SCFD2: variants seen among roughly 807,000 people sequenced by gnomAD.
SCFD2 encodes the protein sec1 family domain-containing protein 2.
Under a neutral mutation model 58.9 loss-of-function variants are expected in SCFD2, and 54 were observed. That is an observed-to-expected ratio of 0.92 (90% CI 0.74 to 1.15). The LOEUF (loss-of-function observed/expected upper bound fraction) is 1.15. SCFD2 is among the 50% of genes most tolerant of loss of function. The pLI is 0.00. For missense variants in SCFD2, 805 were observed against 836.6 expected (o/e 0.96, Z 0.47); for synonymous variants, 321 against 335.9 (o/e 0.96, Z 0.49).
At chr4:53,168,556 A>G (rs1292690074) in intron 4 of SCFD2, among the ~76,000 whole-genome samples, 1 of 152,202 alleles carries the variant, frequency 6.6e-6, no homozygotes, top group Non-Finnish European at 1.5e-5. Flanking sequence ...TAAAAGATGA[A>G]AGCAAAATAA....
In SCFD2 at chr4:52,874,026, A is replaced by T; in HGVS notation, c.1998T>A (p.Leu666=). The T allele has an allele frequency of 6.2e-7, 1 of 1,614,154 alleles. No homozygotes were observed. Among genetic ancestry groups the T allele is most frequent in the Non-Finnish European group, 8.5e-7 (1 of 1,179,968 alleles). ...IVLSTRLLKP[L]NIPELLFATD... is the part of the protein sequence containing the mutation. ...TTGCAAATAACAGCTCAGGAATGTT[A>T]AGTGGCTTCAGGAGTCGTGTGGACA... The change falls in exon 9 of 9, where the codon CTT becomes CTA. Residue 666 remains leucine (L), a synonymous_variant. Coordinates refer to ENST00000401642, the MANE Select transcript of SCFD2 (RefSeq NM_152540.4).
chr4:52,893,394 G>T (rs147475857), intron 7 of SCFD2, among the ~76,000 whole-genome samples: 1 of 152,276 alleles, frequency 6.6e-6, no homozygotes, highest in East Asian at 1.9e-4. Context: ...GAACAATGTG[G>T]AATGGGACTA....
At chr4:53,208,937 G>A (rs1728519140) in intron 4 of SCFD2, among the ~76,000 whole-genome samples, 1 of 152,118 alleles carries the variant, frequency 6.6e-6, no homozygotes, top group Admixed American at 6.5e-5. Flanking sequence ...CCACAGGAAT[G>A]TACCCAATAT....
intron 5 of SCFD2, among the ~76,000 whole-genome samples, chr4:53,135,750 A>G (rs1183475447): frequency 6.6e-6 from 1 of 152,104 alleles, no homozygotes; most frequent in Non-Finnish European, 1.5e-5. Context: ...CAAAAAAAAA[A>G]AGAGGATCTC....
chr4:52,902,345 T>C (rs918212446), intron 7 of SCFD2, among the ~76,000 whole-genome samples: 2 of 152,212 alleles, frequency 1.3e-5, no homozygotes, highest in Non-Finnish European at 2.9e-5. Context: ...AACACGTCAC[T>C]GCCTTATAAA....
At chr4:52,926,339 C>T (rs568805353) in intron 5 of SCFD2, among the ~76,000 whole-genome samples, 4 of 151,966 alleles carry the variant, frequency 2.6e-5, no homozygotes, top group Non-Finnish European at 5.9e-5. Context: ...AGTCTGGATT[C>T]GAGCTGAAGT....
intron 5 of SCFD2, among the ~76,000 whole-genome samples, chr4:53,119,479 A>C (rs1725420086): frequency 6.6e-6 from 1 of 152,132 alleles, no homozygotes; most frequent in Non-Finnish European, 1.5e-5. Flanking sequence ...AGACTGTTTC[A>C]AAAAATAAAT....
At chr4:52,973,439 G>C (rs1421547967) in intron 5 of SCFD2, among the ~76,000 whole-genome samples, 1 of 152,088 alleles carries the variant, frequency 6.6e-6, no homozygotes. Context: ...TAAATTCCTC[G>C]ACACATACAC....
intron 4 of SCFD2, among the ~76,000 whole-genome samples, chr4:53,209,723 C>T (rs1728545977): frequency 2.0e-5 from 3 of 151,664 alleles, no homozygotes; most frequent in Non-Finnish European, 4.4e-5. Context: ...AGTGTTCTTA[C>T]AGTCCTTAGA....
chr4:53,121,363 T>G (rs551043153), intron 5 of SCFD2, among the ~76,000 whole-genome samples: 1 of 152,282 alleles, frequency 6.6e-6, no homozygotes, highest in Non-Finnish European at 1.5e-5. Context: ...TTCCTTGCAT[T>G]TTTCAAAAAG....
intron 2 of SCFD2, among the ~76,000 whole-genome samples, chr4:53,330,054 A>T (rs1306849644): frequency 6.6e-6 from 1 of 151,634 alleles, no homozygotes; most frequent in African/African-American, 2.4e-5. Context: ...AAAAAAGAAT[A>T]AAAAGAAACA....
chr4:53,110,578 T>A (rs1725140299), intron 5 of SCFD2, among the ~76,000 whole-genome samples: 1 of 148,312 alleles, frequency 6.7e-6, no homozygotes, highest in Non-Finnish European at 1.5e-5. Context: ...AAAAAGTGGG[T>A]TCATCTCAAG....
At chr4:53,197,764 A>AG (rs1436419902) in intron 4 of SCFD2, among the ~76,000 whole-genome samples, 5 of 151,494 alleles carry the variant, frequency 3.3e-5, no homozygotes, top group Non-Finnish European at 4.4e-5. Flanking sequence ...AAAAAAAAAA[A>AG]AAAGAAATGA....
intron 5 of SCFD2, among the ~76,000 whole-genome samples, chr4:53,063,337 A>C (rs1254635846): frequency 2.6e-5 from 4 of 152,172 alleles, no homozygotes; most frequent in African/African-American, 9.6e-5. Context: ...ATTATTCTGT[A>C]TACAACTTAT....
At chr4:53,023,262 A>C (rs1383729068) in intron 5 of SCFD2, among the ~76,000 whole-genome samples, 1 of 152,214 alleles carries the variant, frequency 6.6e-6, no homozygotes, top group African/African-American at 2.4e-5. Context: ...AATATTGCTA[A>C]GATGAGGAGT....
chr4:52,981,231 C>T (rs1240816529), intron 5 of SCFD2, among the ~76,000 whole-genome samples: 1 of 152,058 alleles, frequency 6.6e-6, no homozygotes, highest in Non-Finnish European at 1.5e-5. Flanking sequence ...GGTTAGAATG[C>T]CAATGAACAT....
intron 4 of SCFD2, among the ~76,000 whole-genome samples, chr4:53,188,505 C>T (rs1426151152): frequency 3.3e-5 from 5 of 150,204 alleles, no homozygotes; most frequent in African/African-American, 1.2e-4. Flanking sequence ...ACGAAAGGGC[C>T]AACTTCATAA....
Position 52,891,635 on chromosome 4 carries a change from G to A in SCFD2, c.1843-5769C>T, listed in dbSNP as rs147905068. Among the ~76,000 whole-genome samples, 60 of 152,130 alleles carry A rather than the reference G, an allele frequency of 3.9e-4. No individual in the cohort carries two copies. The East Asian group carries it at 0.01, about 26-fold the overall frequency. On this transcript the variant is annotated intron_variant, in intron 7 of 8. Transcript: ENST00000401642. Reference sequence around the variant, plus strand: ...CCTTTTCCCAACAAATTCTTCAAACGAAAAGCATTTTTATTAGCATTCATC... The same window carrying A: ...CCTTTTCCCAACAAATTCTTCAAACAAAAAGCATTTTTATTAGCATTCATC...
intron 5 of SCFD2, among the ~76,000 whole-genome samples, chr4:53,069,143 C>T (rs1723744809): frequency 6.6e-6 from 1 of 152,026 alleles, no homozygotes; most frequent in Non-Finnish European, 1.5e-5. Flanking sequence ...GAAGGATCCG[C>T]TAGGGAATCC....
Sources: allele counts gnomAD v4.1 joint callset (sites outside exome capture counted in the v4.1 genomes callset), GRCh38; gene constraint gnomAD v4.1.1; transcripts MANE v1.5; gene names NCBI Gene and HGNC (gene_info 2026-07-23, HGNC 2026-07-21).